The following JAK2 variants were observed in gnomAD, a reference collection of about 807,000 sequenced individuals.
JAK2 encodes tyrosine-protein kinase JAK2.
A neutral mutation model predicts 139.3 loss-of-function variants in JAK2; 86 were observed. The ratio of observed to expected loss-of-function variants is 0.62; its 90% CI spans 0.52 to 0.74. The LOEUF (loss-of-function observed/expected upper bound fraction) is 0.74. JAK2 is among the 30% of genes least tolerant of loss of function. The pLI, the probability that JAK2 is intolerant of heterozygous loss-of-function variation, is 0.00. For synonymous variants in JAK2, 490 were observed against 437.7 expected (o/e 1.12, Z -1.49); for missense variants, 1,421 against 1,360.3 (o/e 1.04, Z -0.70).
intron 2 of JAK2, among the ~76,000 whole-genome samples, chr9:5,016,045 G>T (rs1376746948): frequency 6.6e-6 from 1 of 152,138 alleles, no homozygotes; most frequent in Non-Finnish European, 1.5e-5. Flanking sequence ...TGCTCTTGTG[G>T]TACAACATGG....
intron 22 of JAK2, among the ~76,000 whole-genome samples, chr9:5,093,873 C>T (rs1820775564): frequency 6.6e-6 from 1 of 152,082 alleles, no homozygotes; most frequent in Non-Finnish European, 1.5e-5. Flanking sequence ...TGATTTCAGA[C>T]CAGAGTAATC....
chr9:5,095,821 G>A (rs1017060169), intron 22 of JAK2, among the ~76,000 whole-genome samples: 2 of 152,006 alleles, frequency 1.3e-5, no homozygotes, highest in African/African-American at 4.8e-5. Context: ...TAATCCAAAC[G>A]TTACCATTAT....
intron 8 of JAK2, among the ~76,000 whole-genome samples, chr9:5,060,216 T>C (rs1818069718): frequency 6.6e-6 from 1 of 152,216 alleles, no homozygotes; most frequent in Non-Finnish European, 1.5e-5. Flanking sequence ...TATGAGGGTA[T>C]TATTTTGATG....
intron 22 of JAK2, among the ~76,000 whole-genome samples, chr9:5,122,413 C>T (rs960857016): frequency 6.6e-6 from 1 of 152,038 alleles, no homozygotes; most frequent in African/African-American, 2.4e-5. Context: ...GCCTTGGAAC[C>T]AATTTTTTTC....
At position 5,081,869 on chromosome 9, in the gene JAK2, G is replaced by C; in HGVS notation, c.2571+8G>C. On this transcript the variant is annotated splice_region_variant and intron_variant, in intron 19 of 24. Coordinates refer to ENST00000381652, the MANE Select transcript of JAK2 (RefSeq NM_004972.4). ...CTACAGCAACTTGGCAAGGTAAATT[G>C]TCAGAATTTTTTCAAATAGAGTATA... 3.7e-6 allele frequency: 6 copies of C among 1,608,712 alleles called. No homozygotes were observed. Among genetic ancestry groups the C allele is most frequent in the Non-Finnish European group, 5.1e-6 (6 of 1,176,650 alleles).
At chr9:5,001,729 A>G (rs1820938939) in intron 2 of JAK2, among the ~76,000 whole-genome samples, 2 of 151,798 alleles carry the variant, frequency 1.3e-5, no homozygotes, top group South Asian at 4.1e-4. Context: ...TGTTTTCTGT[A>G]AGAGTTTATA....
chr9:5,115,454 T>C (rs992494555), intron 22 of JAK2, among the ~76,000 whole-genome samples: 3 of 152,182 alleles, frequency 2.0e-5, no homozygotes, highest in Non-Finnish European at 4.4e-5. Context: ...TGCTTTTACA[T>C]TGTTGATGGG....
intron 16 of JAK2, among the ~76,000 whole-genome samples, chr9:5,079,818 C>CA (rs912309600): frequency 5.5e-5 from 8 of 146,754 alleles, no homozygotes; most frequent in Non-Finnish European, 1.1e-4. Flanking sequence ...CACCCTGTCT[C>CA]AAAAAAAAAA....
Position 5,127,687 on chromosome 9 carries a change from G to T in JAK2, c.*896G>T, listed in dbSNP as rs115158615. 4.3e-6 allele frequency: 1 copy of T among 231,976 alleles called. No individual in the cohort carries two copies. 14.4% of individuals were successfully genotyped at this position (231,976 alleles called of 1,614,324 possible). On this transcript the variant is annotated 3_prime_UTR_variant, in exon 25 of 25. Transcript: ENST00000381652. ...CTGCTGACTGCCAATAACATTCTTC[G>T]ATCTCTGGGATTTATGCTCATGAAC...
intron 10 of JAK2, among the ~76,000 whole-genome samples, chr9:5,067,925 G>T (rs999986005): frequency 6.6e-6 from 1 of 152,086 alleles, no homozygotes; most frequent in Non-Finnish European, 1.5e-5. Context: ...AGGCCAAGGC[G>T]GGTGGATCAC....
chr9:5,061,098 A>C (rs1412620632), intron 8 of JAK2, among the ~76,000 whole-genome samples: 1 of 152,244 alleles, frequency 6.6e-6, no homozygotes, highest in Non-Finnish European at 1.5e-5. Context: ...CATGCTATAA[A>C]CAATAGATGT....
rs889098183 is a variant in JAK2, at chr9:5,127,762, G to T, written c.*971G>T. The T allele has an allele frequency of 1.7e-4, 39 of 232,436 alleles. No homozygotes were observed. The highest frequency in any genetic ancestry group is 2.2e-5 in the African/African-American group (1 of 45,228). The allele number at this position is 232,436 out of a possible 1,614,324, so 14.4% of individuals were successfully genotyped here. On this transcript the variant is annotated 3_prime_UTR_variant, in exon 25 of 25. Transcript: ENST00000381652. Reference sequence around the variant, plus strand: ...TAGATTAGATTGTTTTTTAAAAATGGATAGCTCATTAAGAAGTGCAGCAGG... The same window carrying T: ...TAGATTAGATTGTTTTTTAAAAATGTATAGCTCATTAAGAAGTGCAGCAGG...
intron 22 of JAK2, chr9:5,109,691 G>A (rs1308232003): frequency 6.6e-6 from 1 of 152,104 alleles, no homozygotes; most frequent in Admixed American, 6.6e-5. Flanking sequence ...GACATTGAAT[G>A]ACAATCCCAA....
intron 4 of JAK2, among the ~76,000 whole-genome samples, chr9:5,033,969 C>A (rs1222043372): frequency 6.6e-6 from 1 of 152,138 alleles, no homozygotes; most frequent in Non-Finnish European, 1.5e-5. Context: ...AGTCAAGACC[C>A]ATCAGTGTGC....
chr9:5,087,966 T>A (rs530036807), intron 19 of JAK2, among the ~76,000 whole-genome samples: 3 of 152,330 alleles, frequency 2.0e-5, no homozygotes, highest in Admixed American at 2.0e-4. Context: ...TTTCAAGGAA[T>A]ATATAGTGGC....
chr9:5,117,048 T>C (rs1002220264), intron 22 of JAK2, among the ~76,000 whole-genome samples: 2 of 152,218 alleles, frequency 1.3e-5, no homozygotes, highest in Non-Finnish European at 2.9e-5. Flanking sequence ...TGGCTCCTCT[T>C]GCCTTTCCAC....
intron 9 of JAK2, among the ~76,000 whole-genome samples, chr9:5,065,890 T>A (rs760642061): frequency 6.6e-6 from 1 of 152,180 alleles, no homozygotes; most frequent in Non-Finnish European, 1.5e-5. Context: ...AAGAGTTGAT[T>A]TAGTCTATGC....
At chr9:5,048,021 T>A (rs1817138970) in intron 5 of JAK2, among the ~76,000 whole-genome samples, 2 of 152,246 alleles carry the variant, frequency 1.3e-5, no homozygotes, top group African/African-American at 4.8e-5. Flanking sequence ...TTTTCTCTAG[T>A]GAATAGTTTA....
At chr9:5,105,167 C>T (rs1821849407) in intron 22 of JAK2, among the ~76,000 whole-genome samples, 1 of 152,234 alleles carries the variant, frequency 6.6e-6, no homozygotes, top group African/African-American at 2.4e-5. Flanking sequence ...ACTTGGTCAT[C>T]TCAGCCCCAA....
Sources: gnomAD v4.1 joint callset for allele counts (sites outside exome capture counted in the v4.1 genomes callset) on GRCh38, gnomAD v4.1.1 for gene constraint, MANE v1.5 for transcripts, NCBI Gene and HGNC (gene_info 2026-07-23, HGNC 2026-07-21) for gene names.